Variants in ASAP1 observed in about 807,000 individuals in gnomAD.
ASAP1 encodes the protein arf-GAP with SH3 domain, ANK repeat and PH domain-containing protein 1.
In ASAP1, 43 loss-of-function variants were observed where a neutral mutation model predicts 145.2. That is an observed-to-expected ratio of 0.30 (90% CI 0.23 to 0.38). The LOEUF (loss-of-function observed/expected upper bound fraction) is 0.38, where lower values mean the gene tolerates loss of function less well. Ranked by LOEUF, ASAP1 falls within the 10% of genes least tolerant of loss-of-function variation. The probability of loss-of-function intolerance (pLI) is 1.00; values close to 1 mark genes in which losing one functional copy is unlikely to be tolerated. For synonymous variants in ASAP1, 546 were observed against 515.5 expected, an observed-to-expected ratio of 1.06 and a Z score of -0.80; for missense variants, 1,018 against 1,355.3, an observed-to-expected ratio of 0.75 and a Z score of 3.91.
At chr8:130,360,842 G>A (rs542569122) in intron 2 of ASAP1, 4 of 152,238 alleles carry the variant, frequency 2.6e-5, no homozygotes, top group Non-Finnish European at 2.9e-5. Context: ...GTCTTTTGAA[G>A]TATGAGCTAC....
intron 27 of ASAP1, among the ~76,000 whole-genome samples, chr8:130,075,734 G>C (rs934433856): frequency 6.6e-6 from 1 of 152,188 alleles, no homozygotes; most frequent in Admixed American, 6.5e-5. Context: ...AACCTTGTCA[G>C]CATTAAAGAA....
At chr8:130,254,296 T>C (rs971434418) in intron 3 of ASAP1, among the ~76,000 whole-genome samples, 8 of 152,216 alleles carry the variant, frequency 5.3e-5, no homozygotes, top group Admixed American at 3.3e-4. Context: ...GGAAAGAGCA[T>C]TGTAAAAAGT....
At chr8:130,359,180 A>T (rs1353805488) in intron 2 of ASAP1, among the ~76,000 whole-genome samples, 4 of 151,982 alleles carry the variant, frequency 2.6e-5, no homozygotes, top group Admixed American at 2.6e-4. Context: ...GGGGGCTTTT[A>T]AAAAAAATAA....
At chr8:130,416,864 G>C (rs1347404666) in intron 1 of ASAP1, among the ~76,000 whole-genome samples, 1 of 152,206 alleles carries the variant, frequency 6.6e-6, no homozygotes, top group East Asian at 1.9e-4. Context: ...TGGTATCACG[G>C]CAGCCTGAGC....
chr8:130,182,853 C>G (rs944948428), intron 7 of ASAP1, among the ~76,000 whole-genome samples: 6 of 126,278 alleles, frequency 4.8e-5, no homozygotes, highest in Non-Finnish European at 8.6e-5. Flanking sequence ...AAAAAAAACC[C>G]AACTGAGCAA....
intron 5 of ASAP1, among the ~76,000 whole-genome samples, chr8:130,206,010 TTTTTA>T (rs1474869539): frequency 6.6e-6 from 1 of 152,200 alleles, no homozygotes; most frequent in Non-Finnish European, 1.5e-5. Flanking sequence ...AGAATTATAA[TTTTTA>T]TTTTAAAATT....
chr8:130,376,557 C>T (rs1260354390), intron 2 of ASAP1, among the ~76,000 whole-genome samples: 11 of 152,052 alleles, frequency 7.2e-5, no homozygotes, highest in Non-Finnish European at 1.2e-4. Flanking sequence ...GAAACCCCGT[C>T]GCTACTAAAA....
intron 24 of ASAP1, among the ~76,000 whole-genome samples, chr8:130,094,683 C>T (rs1277860652): frequency 1.3e-5 from 2 of 152,128 alleles, no homozygotes; most frequent in Non-Finnish European, 2.9e-5. Context: ...GGCAGGTGTC[C>T]AGGACTGGCG....
intron 6 of ASAP1, 75 bp downstream of exon 6, chr8:130,188,034 A>C: frequency 9.8e-7 from 1 of 1,016,518 alleles, no homozygotes; most frequent in Non-Finnish European, 1.5e-6. Flanking sequence ...TACAAGTACT[A>C]CTATGATCTT....
At chr8:130,292,262 TGAA>T (rs1365384520) in intron 3 of ASAP1, among the ~76,000 whole-genome samples, 5 of 152,304 alleles carry the variant, frequency 3.3e-5, no homozygotes, top group African/African-American at 1.2e-4. Context: ...GCTACAATGG[TGAA>T]GAAGACTCTT....
intron 3 of ASAP1, among the ~76,000 whole-genome samples, chr8:130,349,613 C>T (rs1262543887): frequency 6.6e-6 from 1 of 152,120 alleles, no homozygotes; most frequent in Admixed American, 6.5e-5. Context: ...AGAATTTCAC[C>T]CTCCTCAACC....
At chr8:130,352,020 T>C (rs1826024839) in intron 3 of ASAP1, among the ~76,000 whole-genome samples, 2 of 152,200 alleles carry the variant, frequency 1.3e-5, no homozygotes, top group African/African-American at 4.8e-5. Context: ...CAAAACCTCA[T>C]CCTAAGTACC....
intron 3 of ASAP1, among the ~76,000 whole-genome samples, chr8:130,276,760 T>C (rs56150012): frequency 0.091 from 11,785 of 129,792 alleles, 590 homozygotes; most frequent in African/African-American, 0.14. Context: ...TCTCTCTCTC[T>C]CCTCTAACAA....
chr8:130,430,322 T>C (rs1830093381), intron 1 of ASAP1, among the ~76,000 whole-genome samples: 1 of 152,224 alleles, frequency 6.6e-6, no homozygotes, highest in Non-Finnish European at 1.5e-5. Flanking sequence ...TGTGTGTTTG[T>C]ACGTACGTAT....
intron 1 of ASAP1, among the ~76,000 whole-genome samples, chr8:130,409,902 G>A (rs1416626019): frequency 1.3e-5 from 2 of 152,204 alleles, no homozygotes; most frequent in East Asian, 3.8e-4. Context: ...TGAGGAGGGT[G>A]AGTTGAGTAA....
Position 130,387,696 on chromosome 8 carries a change from T to C in ASAP1, c.59+14189A>G, listed in dbSNP as rs989945335. ...AAAGCCCAAGTCCCAACCAACTTTT[T>C]AACCACTTGTATATATATATGAAAA... On this transcript the variant is annotated intron_variant, in intron 2 of 29. Coordinates refer to ENST00000518721, the MANE Select transcript of ASAP1 (RefSeq NM_018482.4). Among the ~76,000 whole-genome samples, 5 of 151,940 alleles carry C rather than the reference T, an allele frequency of 3.3e-5. No individual in the cohort carries two copies. In the South Asian group the frequency reaches 1.0e-3, roughly 32 times the overall value.
chr8:130,442,913 C>T (rs1349349828), intron 1 of ASAP1, among the ~76,000 whole-genome samples: 1 of 152,138 alleles, frequency 6.6e-6, no homozygotes, highest in East Asian at 1.9e-4. Flanking sequence ...CAGGAGCCAA[C>T]CCCAAGCTCC....
At chr8:130,074,124 A>G (rs2097456330) in intron 27 of ASAP1, among the ~76,000 whole-genome samples, 1 of 152,156 alleles carries the variant, frequency 6.6e-6, no homozygotes, top group African/African-American at 2.4e-5. Flanking sequence ...TTAAAAAAAA[A>G]AAGGGGGCAA....
In ASAP1 at chr8:130,169,016, T is replaced by C. The variant is rs749571404; in HGVS notation, c.798A>G (p.Glu266=). Residue 266 remains glutamate (E), a synonymous_variant, in exon 10 of 30, where the codon GAA becomes GAG. Transcript: ENST00000518721. The part of the protein sequence containing the change: ...KTADKLKQYI[E]KLAADLYNIK... ...CATTATATAAATCAGCAGCCAGTTT[T>C]TCAATGTACTGTTTCAACTTATCAG... 4 of 1,575,736 alleles carry C rather than the reference T, an allele frequency of 2.5e-6. No individual in the cohort carries two copies. In the South Asian group the frequency reaches 4.8e-5, roughly 19 times the overall value.
Sources: gnomAD v4.1 joint callset for allele counts (sites outside exome capture counted in the v4.1 genomes callset) on GRCh38, gnomAD v4.1.1 for gene constraint, MANE v1.5 for transcripts, NCBI Gene and HGNC (gene_info 2026-07-23, HGNC 2026-07-21) for gene names.